Variants in CPNE4 observed in about 807,000 individuals in gnomAD.
CPNE4 encodes the protein copine-4.
In CPNE4, 25 loss-of-function variants were observed where a neutral mutation model predicts 67.9. The observed-to-expected ratio is 0.37, with a 90% confidence interval of 0.27 to 0.51. CPNE4 has a LOEUF of 0.51. CPNE4 is among the 20% of genes least tolerant of loss of function. The pLI is 0.93. For missense variants in CPNE4, 464 were observed against 690.8 expected, an observed-to-expected ratio of 0.67 and a Z score of 3.68; for synonymous variants, 242 against 244.9, an observed-to-expected ratio of 0.99 and a Z score of 0.11.
At chr3:131,762,039 G>C (rs1264635130) in intron 2 of CPNE4, among the ~76,000 whole-genome samples, 1 of 152,042 alleles carries the variant, frequency 6.6e-6, no homozygotes, top group African/African-American at 2.4e-5. Flanking sequence ...GACCCACCAT[G>C]ATGCTTATTT....
chr3:131,873,846 C>G (rs575749365), intron 2 of CPNE4, among the ~76,000 whole-genome samples: 1 of 152,294 alleles, frequency 6.6e-6, no homozygotes, highest in Admixed American at 6.5e-5. Context: ...CTTCCTCTTT[C>G]ACTACCTGTC....
At chr3:131,723,661 G>A (rs1316034149) in intron 2 of CPNE4, 36 bp from the exon 3 acceptor site, 3 of 1,560,932 alleles carry the variant, frequency 1.9e-6, no homozygotes, top group Non-Finnish European at 2.6e-6. Flanking sequence ...CAGAGATAAG[G>A]ATTATTTTTA....
At chr3:131,849,472 C>T (rs549836732) in intron 2 of CPNE4, among the ~76,000 whole-genome samples, 7 of 152,066 alleles carry the variant, frequency 4.6e-5, no homozygotes, top group African/African-American at 1.4e-4. Flanking sequence ...TACATACTTT[C>T]GAACAAGCAG....
At chr3:131,823,274 G>A (rs752375285) in intron 2 of CPNE4, among the ~76,000 whole-genome samples, 1 of 152,212 alleles carries the variant, frequency 6.6e-6, no homozygotes, top group Non-Finnish European at 1.5e-5. Context: ...TTGCAAGCTT[G>A]CAGGTTGTAG....
At chr3:131,990,123 A>G (rs570248404) in intron 1 of CPNE4, among the ~76,000 whole-genome samples, 1 of 137,202 alleles carries the variant, frequency 7.3e-6, no homozygotes, top group South Asian at 2.5e-4. Flanking sequence ...AAAATAATGT[A>G]TCTTCATTTA....
At chr3:131,741,049 C>A (rs1442978579) in intron 2 of CPNE4, among the ~76,000 whole-genome samples, 1 of 152,170 alleles carries the variant, frequency 6.6e-6, no homozygotes, top group African/African-American at 2.4e-5. Flanking sequence ...CTTTTTCTTG[C>A]ACCCTATCTG....
At chr3:131,879,904 C>T (rs2087605187) in intron 2 of CPNE4, among the ~76,000 whole-genome samples, 1 of 152,094 alleles carries the variant, frequency 6.6e-6, no homozygotes, top group Non-Finnish European at 1.5e-5. Context: ...CAAAGATCTA[C>T]TTCAAGTAAT....
At chr3:131,881,503 A>AT (rs1282089446) in intron 2 of CPNE4, among the ~76,000 whole-genome samples, 2 of 152,024 alleles carry the variant, frequency 1.3e-5, no homozygotes, top group African/African-American at 4.8e-5. Flanking sequence ...AACTTGTTCA[A>AT]TTATAGGTGT....
intron 13 of CPNE4, 132 bp from the exon 14 acceptor site, chr3:131,550,212 A>T (rs1431876620): frequency 1.1e-6 from 1 of 872,564 alleles, no homozygotes. Flanking sequence ...TTCTTAAGAT[A>T]AAAAGGAATA....
At chr3:132,012,815 T>C (rs771653197) in intron 1 of CPNE4, among the ~76,000 whole-genome samples, 2 of 152,346 alleles carry the variant, frequency 1.3e-5, no homozygotes, top group East Asian at 1.9e-4. Context: ...CTAAGTACTA[T>C]GACATTAATA....
At chr3:131,797,479 A>G (rs2083948814) in intron 2 of CPNE4, among the ~76,000 whole-genome samples, 1 of 152,140 alleles carries the variant, frequency 6.6e-6, no homozygotes, top group South Asian at 2.1e-4. Context: ...TCTACCAGAA[A>G]CTGCACTTAC....
At chr3:131,792,729 A>G (rs1341434003) in intron 2 of CPNE4, among the ~76,000 whole-genome samples, 1 of 128,988 alleles carries the variant, frequency 7.8e-6, no homozygotes, top group African/African-American at 2.8e-5. Flanking sequence ...GTATATATAT[A>G]CACGTGTGTA....
intron 2 of CPNE4, among the ~76,000 whole-genome samples, chr3:131,792,364 C>T (rs1425555091): frequency 2.0e-5 from 3 of 151,720 alleles, no homozygotes; most frequent in African/African-American, 4.8e-5. Context: ...TTTTAATTCA[C>T]CCAAAAAGTG....
At chr3:131,714,713 T>C (rs192381553) in intron 3 of CPNE4, among the ~76,000 whole-genome samples, 28 of 152,298 alleles carry the variant, frequency 1.8e-4, no homozygotes, top group Admixed American at 1.6e-3. Context: ...CCTAGATCTT[T>C]TGAATCATAA....
At chr3:131,999,910 CT>C (rs561121197) in intron 1 of CPNE4, among the ~76,000 whole-genome samples, 15 of 152,086 alleles carry the variant, frequency 9.9e-5, no homozygotes, top group Non-Finnish European at 2.2e-4. Context: ...ATGATTATTT[CT>C]TTTCCTCCAT....
intron 2 of CPNE4, among the ~76,000 whole-genome samples, chr3:131,731,802 C>A (rs913442278): frequency 2.0e-5 from 3 of 152,146 alleles, no homozygotes; most frequent in Admixed American, 2.0e-4. Flanking sequence ...CTGTTCTAGC[C>A]TGTGCCAGCT....
In CPNE4 at chr3:131,717,914, CTT is replaced by C. The variant is rs1201337013; in HGVS notation, c.360+5530_360+5531del. On this transcript the variant is annotated intron_variant, in intron 3 of 15. Coordinates refer to ENST00000429747, the MANE Select transcript of CPNE4 (RefSeq NM_130808.3). ...TCTTTCTTTCTTTCTTTCTTTCTTT[CTT>C]TCTTTCTTTCTTTCTTTCTTTCTTT... 8.8e-4 allele frequency among the ~76,000 whole-genome samples: 123 copies of C among 139,060 alleles called. 1 individual carries two copies. The South Asian group carries it at 9.5e-3, about 11-fold the overall frequency. The allele number at this position is 139,060 out of a possible 152,430, so 91.2% of individuals were successfully genotyped here. A position where few individuals can be genotyped will look rare whatever the true frequency, so the allele number is the denominator to read the frequency against.
rs1201563324 is a variant in CPNE4, at chr3:131,952,372, G to A, written c.-1-46928C>T. 1.6e-3 allele frequency among the ~76,000 whole-genome samples: 241 copies of A among 146,748 alleles called. 2 individuals carry two copies. The highest frequency in any genetic ancestry group is 0.012 in the East Asian group (56 of 4,774). ...TGAGGAGCCCCTCCGCCCGGCAGCC[G>A]CCCCGTCTGAGAAGTGAGGAGCCTC... On this transcript the variant is annotated intron_variant, in intron 1 of 15. Coordinates refer to ENST00000429747, the MANE Select transcript of CPNE4 (RefSeq NM_130808.3).
At chr3:132,038,297 T>C (rs1437832068), upstream of CPNE4, among the ~76,000 whole-genome samples, 1 of 152,200 alleles carries the variant, frequency 6.6e-6, no homozygotes, top group Non-Finnish European at 1.5e-5. Flanking sequence ...AACATACATG[T>C]TGCAAGCTGA....
Sources: allele counts gnomAD v4.1 joint callset (sites outside exome capture counted in the v4.1 genomes callset), GRCh38; gene constraint gnomAD v4.1.1; transcripts MANE v1.5; gene names NCBI Gene and HGNC (gene_info 2026-07-23, HGNC 2026-07-21).